CNOT1: variants seen among roughly 807,000 people sequenced by gnomAD.
The protein encoded by CNOT1 is CCR4-NOT transcription complex subunit 1, also known as CCR4-associated factor 1.
CNOT1 carries 15 observed loss-of-function variants against 273.8 expected under a neutral mutation model. The ratio of observed to expected loss-of-function variants is 0.05; its 90% confidence interval spans 0.04 to 0.08. The LOEUF is 0.08. Ranked by LOEUF, CNOT1 falls within the 10% of genes least tolerant of loss-of-function variation. The pLI, the probability that CNOT1 is intolerant of heterozygous loss-of-function variation, is 1.00. For missense variants in CNOT1, 1,644 were observed against 2,912.2 expected (o/e 0.56, Z 10.02); for synonymous variants, 1,022 against 1,005.5 (o/e 1.02, Z -0.31).
intron 1 of CNOT1, among the ~76,000 whole-genome samples, chr16:58,604,364 A>T (rs1054931451): frequency 6.6e-6 from 1 of 152,232 alleles, no homozygotes; most frequent in African/African-American, 2.4e-5. Flanking sequence ...TTCATTCACT[A>T]TAAGGGATTT....
Position 58,547,599 on chromosome 16 carries a change from G to A in CNOT1, c.3606C>T (p.Ile1202=). The A allele has an allele frequency of 6.2e-7, 1 of 1,613,574 alleles. No homozygotes were observed. Among genetic ancestry groups the A allele is most frequent in the Non-Finnish European group, 8.5e-7 (1 of 1,179,782 alleles). ...AGATGGGTTTGTTTTTAGCTAATGT[G>A]ATCATTCCTAGCCAATGTCCCAAGT... ...LKNLGHWLGM[I]TLAKNKPILH... is the part of the protein sequence containing the mutation. The change falls in exon 26 of 49, where the codon ATC becomes ATT. Residue 1202 remains isoleucine (I), a synonymous_variant. Transcript: ENST00000317147. The surrounding 1 kb of genome is among the most constrained non-coding windows in gnomAD (Gnocchi z 4.0).
intron 14 of CNOT1, 36 bp from the exon 15 acceptor site, chr16:58,575,165 GC>G: frequency 6.3e-7 from 1 of 1,597,842 alleles, no homozygotes; most frequent in Non-Finnish European, 8.5e-7. Flanking sequence ...TGCAAATGGA[GC>G]AATTAAGTAA....
chr16:58,619,706 G>A (rs2043236602), intron 1 of CNOT1, among the ~76,000 whole-genome samples: 1 of 152,134 alleles, frequency 6.6e-6, no homozygotes, highest in Admixed American at 6.5e-5. Context: ...TTACAGGCGT[G>A]AGCCACCGCG....
intron 1 of CNOT1, among the ~76,000 whole-genome samples, chr16:58,611,509 C>T (rs2042898225): frequency 6.6e-6 from 1 of 151,998 alleles, no homozygotes; most frequent in Admixed American, 6.6e-5. Flanking sequence ...CAGGTTATTC[C>T]TTGCTAACAG....
At chr16:58,566,209 A>G (rs549607357) in intron 16 of CNOT1, among the ~76,000 whole-genome samples, 4 of 152,324 alleles carry the variant, frequency 2.6e-5, no homozygotes, top group South Asian at 4.1e-4. Context: ...TTCAAACTAC[A>G]TAATTATCCT....
In CNOT1 at chr16:58,610,941, G is replaced by T. The variant is rs12597659; in HGVS notation, c.-174-11430C>A. 1.3e-3 allele frequency among the ~76,000 whole-genome samples: 200 copies of T among 152,180 alleles called. 1 individual carries two copies. In the East Asian group the frequency reaches 0.037, roughly 28 times the overall value. On this transcript the variant is annotated intron_variant, in intron 1 of 48. Transcript: ENST00000317147. ...AGCCCCAGCTACTTGGGAGGCTGAG[G>T]CAGGAGAATCGCTTAAACCCAGGAG...
chr16:58,581,383 C>G lies in CNOT1; in HGVS notation c.1177G>C (p.Asp393His). The G allele has an allele frequency of 6.2e-7, 1 of 1,613,772 alleles. No individual in the cohort carries two copies. Among genetic ancestry groups the G allele is most frequent in the Non-Finnish European group, 8.5e-7 (1 of 1,179,892 alleles). ...TGTTTCCAAGGTCTATATATGAGGT[C>G]TACTGGGAACACTTCCATACCCAAA... is the stretch of plus-strand genomic sequence containing the variant. ...RGLGMEVFPVDLIYRPWKHAE... is the reference protein window; with the variant it reads ...RGLGMEVFPVHLIYRPWKHAE... The change falls in exon 11 of 49, where the codon GAC becomes CAC. Residue 393 changes from aspartate to histidine, a missense_variant. Around this residue, in one of 13 missense-constraint regions of CNOT1, gnomAD observed 706 missense variants for 1,021.2 expected, o/e 0.69. Transcript: ENST00000317147.
chr16:58,530,562 C>T (rs1027030117), intron 42 of CNOT1: 2 of 348,322 alleles, frequency 5.7e-6, no homozygotes, highest in African/African-American at 2.1e-5. Flanking sequence ...GCCAGTGGAT[C>T]ACTTGAAGTC....
At chr16:58,562,314 G>A (rs2040881035) in intron 16 of CNOT1, among the ~76,000 whole-genome samples, 1 of 151,266 alleles carries the variant, frequency 6.6e-6, no homozygotes, top group South Asian at 2.1e-4. Context: ...ACCAGCCTGT[G>A]AACACAGCCA....
intron 34 of CNOT1, 86 bp from the exon 35 acceptor site, chr16:58,540,045 G>A (rs1326956716): frequency 2.3e-6 from 3 of 1,310,518 alleles, no homozygotes; most frequent in African/African-American, 1.5e-5. Context: ...AGGTCTACTA[G>A]TATGTTTACT....
chr16:58,536,920 C>A, intron 39 of CNOT1, 69 bp downstream of exon 39: 2 of 1,575,222 alleles, frequency 1.3e-6, no homozygotes, highest in Non-Finnish European at 1.7e-6. Context: ...CAATACTGAG[C>A]TTTAATATTG....
At chr16:58,625,779 G>A (rs1199447719) in intron 1 of CNOT1, among the ~76,000 whole-genome samples, 1 of 146,250 alleles carries the variant, frequency 6.8e-6, no homozygotes, top group African/African-American at 2.5e-5. Context: ...ACTGACCTGA[G>A]ACCAGAATAT....
rs1281447338 is a variant in CNOT1, at chr16:58,549,734, G to T, written c.3507C>A (p.Thr1169=). 6.2e-7 allele frequency: 1 copy of T among 1,605,342 alleles called. No individual in the cohort carries two copies. Among genetic ancestry groups the T allele is most frequent in the African/African-American group, 1.3e-5 (1 of 74,374 alleles). The part of the protein sequence containing the change: ...PEFNKMVLNE[T]YRNIKVLLTS... Reference sequence around the variant, plus strand: ...CAACTCTTACTTTAATGTTTCTGTAGGTCTCATTCAGAACCATCTTGTTAA... The same window carrying T: ...CAACTCTTACTTTAATGTTTCTGTATGTCTCATTCAGAACCATCTTGTTAA... Residue 1169 remains threonine, a synonymous_variant, in exon 25 of 49, where the codon ACC becomes ACA. Transcript: ENST00000317147.
chr16:58,597,911 A>C (rs1161924206), intron 2 of CNOT1: 1 of 256,380 alleles, frequency 3.9e-6, no homozygotes, highest in African/African-American at 2.3e-5. Context: ...TTCCAACTTC[A>C]CTATCATGAA....
chr16:58,612,697 C>T (rs1465402056), intron 1 of CNOT1, among the ~76,000 whole-genome samples: 2 of 152,146 alleles, frequency 1.3e-5, no homozygotes, highest in Non-Finnish European at 2.9e-5. Flanking sequence ...CGAGATCCTG[C>T]CACTGCACTC....
At chr16:58,550,091 C>A (rs531556672) in intron 24 of CNOT1, among the ~76,000 whole-genome samples, 193 bp from the exon 25 acceptor site, 2 of 152,298 alleles carry the variant, frequency 1.3e-5, no homozygotes, top group East Asian at 1.9e-4. Flanking sequence ...ACAACTCAAC[C>A]CATACGTGAT....
In CNOT1 at chr16:58,534,097, A is replaced by T; in HGVS notation, c.5895+50T>A. 4 of 1,371,098 alleles carry T rather than the reference A, an allele frequency of 2.9e-6. No homozygotes were observed. The East Asian group carries it at 1.1e-4, about 37-fold the overall frequency. 84.9% of individuals were successfully genotyped at this position (1,371,098 alleles called of 1,614,324 possible). On this transcript the variant is annotated intron_variant, in intron 40 of 48. Transcript: ENST00000317147. Reference sequence around the variant, plus strand: ...AATAATAATAATAAATAAATAAATAAAACACCCCACTGATGTAGACCAAGA... The same window carrying T: ...AATAATAATAATAAATAAATAAATATAACACCCCACTGATGTAGACCAAGA...
chr16:58,567,404 C>CCTCAG (rs2041086360), intron 16 of CNOT1, among the ~76,000 whole-genome samples: 1 of 151,820 alleles, frequency 6.6e-6, no homozygotes, highest in South Asian at 2.1e-4. Context: ...AGGAGGAGTG[C>CCTCAG]CTCAGCTCAG....
Position 58,574,594 on chromosome 16 carries a change from G to A in CNOT1, c.1979+15C>T, listed in dbSNP as rs2041398384. 6.4e-7 allele frequency: 1 copy of A among 1,563,622 alleles called. No homozygotes were observed. The highest frequency in any genetic ancestry group is 1.2e-5 in the South Asian group (1 of 83,166). ...CCAATTCAAAAAAAGTCATATTCAT[G>A]TATGTACTTCTTACCCTGCACAAGC... On this transcript the variant is annotated intron_variant, in intron 16 of 48. Coordinates refer to ENST00000317147, the MANE Select transcript of CNOT1 (RefSeq NM_016284.5).
Sources: allele counts gnomAD v4.1 joint callset (sites outside exome capture counted in the v4.1 genomes callset), GRCh38; gene constraint gnomAD v4.1.1; regional missense constraint gnomAD v4.1.1; non-coding constraint Gnocchi (gnomAD v3.1); transcripts MANE v1.5; gene names NCBI Gene and HGNC (gene_info 2026-07-23, HGNC 2026-07-21).